SGSM2: variants seen among roughly 807,000 people sequenced by gnomAD.
The protein encoded by SGSM2 is small G protein signaling modulator 2.
Under a neutral mutation model 126.6 loss-of-function variants are expected in SGSM2, and 89 were observed. That is an observed-to-expected ratio of 0.70 (90% confidence interval 0.59 to 0.84). SGSM2 has a LOEUF of 0.84. Ranked by LOEUF, SGSM2 falls within the 40% of genes least tolerant of loss-of-function variation. SGSM2 has a pLI of 0.00. For missense variants in SGSM2, 1,404 were observed against 1,416.6 expected (o/e 0.99, Z 0.14); for synonymous variants, 614 against 574.3 (o/e 1.07, Z -0.99).
At chr17:2,345,317 C>A (rs2064546993) in intron 2 of SGSM2, among the ~76,000 whole-genome samples, 1 of 151,960 alleles carries the variant, frequency 6.6e-6, no homozygotes, top group Non-Finnish European at 1.5e-5. Context: ...CAAAAATTAG[C>A]AGGGCGTGGT....
chr17:2,371,203 A>C (rs1373332038), intron 12 of SGSM2, 59 bp from the exon 13 acceptor site: 1 of 1,546,240 alleles, frequency 6.5e-7, no homozygotes, highest in African/African-American at 1.4e-5. Context: ...GGCATGGTGC[A>C]GGGTGCCTGG....
intron 21 of SGSM2, 27 bp from the exon 22 acceptor site, chr17:2,377,830 C>A: frequency 1.3e-6 from 2 of 1,490,388 alleles, no homozygotes; most frequent in Middle Eastern, 1.7e-4. Context: ...AGGGCTCAGC[C>A]TCTCTCCCTT....
Position 2,372,316 on chromosome 17 carries a change from CCTG to C in SGSM2, c.1643-22_1643-20del. The C allele has an allele frequency of 1.2e-6, 2 of 1,608,926 alleles. No homozygotes were observed. Among genetic ancestry groups the C allele is most frequent in the Non-Finnish European group, 1.7e-6 (2 of 1,177,874 alleles). On this transcript the variant is annotated intron_variant, in intron 14 of 23. Transcript: ENST00000268989. This position sits in a 1 kb window ranked among gnomAD's most constrained non-coding sequence, Gnocchi z 6.0. ...GGCGGGCGGCCCTGGGTCCCAGCCT[CCTG>C]CTGCCCACCGCTGCCCACCGCAGGG...
intron 19 of SGSM2, 158 bp downstream of exon 19, chr17:2,376,419 C>T (rs564608558): frequency 1.5e-5 from 13 of 847,478 alleles, no homozygotes; most frequent in East Asian, 8.0e-5. Flanking sequence ...ACCCCTCCCC[C>T]GCGCCTCTTC....
At chr17:2,378,224 G>C (rs1485674217) in intron 22 of SGSM2, among the ~76,000 whole-genome samples, 1 of 152,160 alleles carries the variant, frequency 6.6e-6, no homozygotes, top group Non-Finnish European at 1.5e-5. Flanking sequence ...TTGCACCCAG[G>C]ATCTTGAGAC....
chr17:2,339,996 G>A (rs1259717904), intron 1 of SGSM2, among the ~76,000 whole-genome samples: 1 of 152,208 alleles, frequency 6.6e-6, no homozygotes, highest in East Asian at 1.9e-4. Context: ...AAGCAGTCTA[G>A]TGACAGAGAC....
intron 18 of SGSM2, 30 bp downstream of exon 18, chr17:2,375,905 G>C (rs760851151): frequency 3.4e-5 from 52 of 1,508,338 alleles, no homozygotes; most frequent in Non-Finnish European, 4.6e-5. Flanking sequence ...GCTGTTCCCA[G>C]CCGCCCCAGA....
chr17:2,354,731 T>C (rs556370398), intron 2 of SGSM2, among the ~76,000 whole-genome samples: 1 of 152,368 alleles, frequency 6.6e-6, no homozygotes, highest in South Asian at 2.1e-4. Flanking sequence ...CTACCAGCAA[T>C]ATATGAATGG....
chr17:2,339,462 C>T (rs533186402), intron 1 of SGSM2, among the ~76,000 whole-genome samples: 3 of 150,408 alleles, frequency 2.0e-5, no homozygotes, highest in Non-Finnish European at 3.0e-5. Flanking sequence ...TGGTGGCTCA[C>T]GACTGTAATC....
intron 18 of SGSM2, 64 bp from the exon 19 acceptor site, chr17:2,376,073 C>T: frequency 2.5e-6 from 4 of 1,608,482 alleles, no homozygotes; most frequent in Non-Finnish European, 3.4e-6. Context: ...TGGGGCGTCA[C>T]CTCCTGCCCC....
intron 1 of SGSM2, among the ~76,000 whole-genome samples, chr17:2,340,729 C>T (rs1046024829): frequency 2.2e-4 from 34 of 152,086 alleles, no homozygotes; most frequent in Middle Eastern, 3.4e-3. Flanking sequence ...GGACTACAGG[C>T]GCCTGCCACC....
At position 2,365,014 on chromosome 17, in the gene SGSM2, C is replaced by T; in HGVS notation, c.1118C>T (p.Pro373Leu). The stretch of plus-strand genomic sequence containing the variant: ...TCCTGTCTGGAGAATGGGCTGCTGC[C>T]TCGGGGACAGCTAGAGCCCCCGCTG... ...FLSCLENGLLPRGQLEPPLWT... is the reference protein window; with the variant it reads ...FLSCLENGLLLRGQLEPPLWT... Residue 373 changes from proline to leucine, a missense_variant, in exon 10 of 24, where the codon CCT becomes CTT. Physicochemically the swap from Pro to Leu is moderately conservative, Grantham distance 98. Coordinates refer to ENST00000268989, the MANE Select transcript of SGSM2 (RefSeq NM_014853.3). 1 of 1,613,702 alleles carries T rather than the reference C, an allele frequency of 6.2e-7. No individual in the cohort carries two copies. Among genetic ancestry groups the T allele is most frequent in the Non-Finnish European group, 8.5e-7 (1 of 1,179,986 alleles).
At chr17:2,373,832 G>T (rs1263774839) in intron 17 of SGSM2, 1 of 332,778 alleles carries the variant, frequency 3.0e-6, no homozygotes, top group East Asian at 5.9e-5. Context: ...AGGCAGCGCT[G>T]GGTTCTAGTC....
rs962737521 is a variant in SGSM2 at position 2,379,451 on chromosome 17, T to C, written c.3087T>C (p.Asp1029=). The C allele has an allele frequency of 6.2e-7, 1 of 1,613,244 alleles. No individual in the cohort carries two copies. The highest frequency in any genetic ancestry group is 8.5e-7 in the Non-Finnish European group (1 of 1,179,536). The change falls in exon 24 of 24, where the codon GAT becomes GAC. Residue 1029 remains aspartate, a synonymous_variant. Coordinates refer to ENST00000268989, the MANE Select transcript of SGSM2 (RefSeq NM_014853.3). ...CCCCAGAACGTGCTGAGCATCACGATGCCCAGGAGATCCTGCGGATTGCCC... is the reference window on the plus strand; with the variant it reads ...CCCCAGAACGTGCTGAGCATCACGACGCCCAGGAGATCCTGCGGATTGCCC... ...KFFNERAEHH[D]AQEILRIARD... is the part of the protein sequence containing the mutation.
chr17:2,345,512 C>T (rs924441388), intron 2 of SGSM2, among the ~76,000 whole-genome samples: 58 of 148,786 alleles, frequency 3.9e-4, no homozygotes, highest in Non-Finnish European at 7.4e-4. Context: ...AGGAGAATGG[C>T]GTGAACCCGG....
chr17:2,361,853 A>G, intron 3 of SGSM2, 54 bp downstream of exon 3: 1 of 1,540,218 alleles, frequency 6.5e-7, no homozygotes, highest in Non-Finnish European at 8.7e-7. Context: ...CCACTTGGCA[A>G]TTGCTACTTC....
rs1474494732 is a variant in SGSM2 at position 2,378,992 on chromosome 17, T to TA, written c.2900-43dup. 4 of 1,584,266 alleles carry TA rather than the reference T, an allele frequency of 2.5e-6. No individual in the cohort carries two copies. In the African/African-American group the frequency reaches 5.4e-5, roughly 21 times the overall value. ...CCTCAATCCCAGCCTCAGCCCCAGA[T>TA]ATGCGGCTAGGACGGGTGAGCAGCA... On this transcript the variant is annotated intron_variant, in intron 22 of 23. Coordinates refer to ENST00000268989, the MANE Select transcript of SGSM2 (RefSeq NM_014853.3).
Position 2,363,081 on chromosome 17 carries a change from A to C in SGSM2, c.619A>C (p.Ile207Leu), listed in dbSNP as rs780550678. ...SADELVQRHR[I>L]RGPPTRQDSP... ...TGATGAGCTGGTCCAGCGGCACCGC[A>C]TCCGGGGTCCACCTACTCGCCAGGA... The change falls in exon 6 of 24, where the codon ATC becomes CTC. Residue 207 changes from isoleucine to leucine, a missense_variant. By Grantham distance (5) the Ile-to-Leu change is conservative. Transcript: ENST00000268989. The surrounding 1 kb of genome is among the most constrained non-coding windows in gnomAD (Gnocchi z 4.2). The C allele has an allele frequency of 6.2e-7, 1 of 1,613,566 alleles. No individual in the cohort carries two copies. Among genetic ancestry groups the C allele is most frequent in the Non-Finnish European group, 8.5e-7 (1 of 1,179,944 alleles).
At chr17:2,359,536 G>C (rs1285636908) in intron 2 of SGSM2, among the ~76,000 whole-genome samples, 1 of 152,118 alleles carries the variant, frequency 6.6e-6, no homozygotes, top group Non-Finnish European at 1.5e-5. Flanking sequence ...GTAAAGGGGG[G>C]ACTGAGCGTG....
Sources: gnomAD v4.1 joint callset for allele counts (sites outside exome capture counted in the v4.1 genomes callset) on GRCh38, gnomAD v4.1.1 for gene constraint, Gnocchi (gnomAD v3.1) non-coding constraint, MANE v1.5 for transcripts, NCBI Gene and HGNC (gene_info 2026-07-23, HGNC 2026-07-21) for gene names.